GPC6: variants seen among roughly 807,000 people sequenced by gnomAD.
GPC6 encodes the protein glypican 6.
In GPC6, 14 loss-of-function variants were observed where a neutral mutation model predicts 55.2. That is an observed-to-expected ratio of 0.25 (90% CI 0.17 to 0.40). The LOEUF (loss-of-function observed/expected upper bound fraction) is 0.40, where lower values mean the gene tolerates loss of function less well. Among genes scored for constraint, GPC6 ranks in the 10% least tolerant of loss-of-function variants. GPC6 has a pLI of 1.00. For synonymous variants in GPC6, 278 were observed against 259.6 expected (o/e 1.07, Z -0.68); for missense variants, 641 against 708.5 (o/e 0.90, Z 1.08).
At chr13:94,061,683 C>G (rs980729055) in intron 4 of GPC6, among the ~76,000 whole-genome samples, 3 of 151,666 alleles carry the variant, frequency 2.0e-5, no homozygotes, top group Non-Finnish European at 4.4e-5. Context: ...TGAAATCTTT[C>G]AGATATGCCC....
At chr13:93,878,252 T>C (rs1186292495) in intron 3 of GPC6, among the ~76,000 whole-genome samples, 1 of 151,922 alleles carries the variant, frequency 6.6e-6, no homozygotes, top group African/African-American at 2.4e-5. Context: ...GTGGGGCATT[T>C]AGGAGGTAAT....
At chr13:93,461,083 G>A (rs1394385555) in intron 1 of GPC6, among the ~76,000 whole-genome samples, 2 of 152,108 alleles carry the variant, frequency 1.3e-5, no homozygotes, top group Non-Finnish European at 2.9e-5. Flanking sequence ...CCATATGTGT[G>A]TGTTTTGTTT....
At chr13:94,155,869 C>T (rs1227938103) in intron 4 of GPC6, among the ~76,000 whole-genome samples, 3 of 152,120 alleles carry the variant, frequency 2.0e-5, no homozygotes, top group Non-Finnish European at 4.4e-5. Context: ...GTTGCCTGCA[C>T]AGGAACAAGA....
At chr13:93,414,366 T>G (rs1216530456) in intron 1 of GPC6, among the ~76,000 whole-genome samples, 1 of 152,166 alleles carries the variant, frequency 6.6e-6, no homozygotes, top group Non-Finnish European at 1.5e-5. Flanking sequence ...CATATAGTGC[T>G]TTTGTAGCAT....
At chr13:93,928,916 G>A (rs1203060850) in intron 3 of GPC6, among the ~76,000 whole-genome samples, 4 of 22,050 alleles carry the variant, frequency 1.8e-4, no homozygotes, top group Non-Finnish European at 3.5e-4. Flanking sequence ...GTGTGTGTGT[G>A]TACATATAAA....
At chr13:93,587,423 A>C (rs1336253446) in intron 2 of GPC6, among the ~76,000 whole-genome samples, 1 of 152,078 alleles carries the variant, frequency 6.6e-6, no homozygotes, top group African/African-American at 2.4e-5. Context: ...TTATATCTTT[A>C]TTTAATTGAA....
intron 2 of GPC6, among the ~76,000 whole-genome samples, chr13:93,765,311 T>TATCTGGAAAGACAACTTTCCAGATAAGC (rs1368557718): frequency 2.9e-5 from 1 of 34,084 alleles, no homozygotes. Flanking sequence ...GACAACTTAT[T>TATCTGGAAAGACAACTTTCCAGATAAGC]TGGTTTAAGT....
intron 2 of GPC6, among the ~76,000 whole-genome samples, chr13:93,620,577 G>A (rs1256326941): frequency 6.6e-6 from 1 of 152,136 alleles, no homozygotes; most frequent in African/African-American, 2.4e-5. Flanking sequence ...TACCGAAGAT[G>A]TTTTCAATTA....
chr13:93,706,535 C>A (rs1181832205), intron 2 of GPC6, among the ~76,000 whole-genome samples: 1 of 151,860 alleles, frequency 6.6e-6, no homozygotes. Context: ...TCCTTTGCTT[C>A]AGTTAATCAC....
chr13:94,386,630 A>T (rs9589988), intron 7 of GPC6, among the ~76,000 whole-genome samples: 11,116 of 152,144 alleles, frequency 0.073, 1,313 homozygotes, highest in African/African-American at 0.25. Flanking sequence ...TAATTTTTTT[A>T]AAAAATCCAT....
At chr13:93,423,523 T>C (rs2813614) in intron 1 of GPC6, among the ~76,000 whole-genome samples, 103,327 of 152,066 alleles carry the variant, frequency 0.68, 35,768 homozygotes, top group East Asian at 0.97. Context: ...CAAAGGATAA[T>C]ATGAATTTCA....
intron 5 of GPC6, among the ~76,000 whole-genome samples, chr13:94,288,868 T>A (rs12861397): frequency 3.4e-5 from 1 of 29,568 alleles, no homozygotes; most frequent in African/African-American, 1.1e-4. Flanking sequence ...ATATATATAT[T>A]TGTTATATAT....
In GPC6 at chr13:93,954,330, A is replaced by T. The variant is rs371761835; in HGVS notation, c.712-73399A>T. On this transcript the variant is annotated intron_variant, in intron 3 of 8. Coordinates refer to ENST00000377047, the MANE Select transcript of GPC6 (RefSeq NM_005708.5). ...AGTGCCTTTATTTTTATTTATTTTT[A>T]TTTTTGACAAGGTCTCATCTGTTAT... Among the ~76,000 whole-genome samples the T allele has an allele frequency of 4.2e-3, 635 of 152,092 alleles. 6 individuals carry two copies. The highest frequency in any genetic ancestry group is 0.015 in the African/African-American group (616 of 41,514).
chr13:94,284,782 T>C (rs1426547380), intron 4 of GPC6, among the ~76,000 whole-genome samples: 1 of 152,104 alleles, frequency 6.6e-6, no homozygotes, highest in African/African-American at 2.4e-5. Flanking sequence ...CACTATTTAA[T>C]GATTTATCAA....
At chr13:93,246,014 C>A (rs1487949402) in intron 1 of GPC6, among the ~76,000 whole-genome samples, 1 of 152,088 alleles carries the variant, frequency 6.6e-6, no homozygotes, top group Non-Finnish European at 1.5e-5. Flanking sequence ...ATATGGTATG[C>A]CTTCTGTTGG....
chr13:93,284,231 TC>T (rs1195184666), intron 1 of GPC6, among the ~76,000 whole-genome samples: 1 of 152,020 alleles, frequency 6.6e-6, no homozygotes, highest in African/African-American at 2.4e-5. Flanking sequence ...CAGAAGAAAA[TC>T]CCTTAGGGCA....
chr13:93,703,941 A>C (rs1274169486), intron 2 of GPC6, among the ~76,000 whole-genome samples: 1 of 152,028 alleles, frequency 6.6e-6, no homozygotes, highest in Non-Finnish European at 1.5e-5. Context: ...CTGGCTTTGT[A>C]ATGATGATAG....
chr13:93,642,171 A>G (rs1160419683), intron 2 of GPC6, among the ~76,000 whole-genome samples: 1 of 151,994 alleles, frequency 6.6e-6, no homozygotes, highest in African/African-American at 2.4e-5. Flanking sequence ...AATCCCCAGT[A>G]TCTATTGTTT....
chr13:93,821,126 A>G (rs1887031387), intron 2 of GPC6, among the ~76,000 whole-genome samples: 1 of 152,280 alleles, frequency 6.6e-6, no homozygotes. Flanking sequence ...TTGGTAAAGG[A>G]CTAGATATTA....
Sources: allele counts gnomAD v4.1 joint callset (sites outside exome capture counted in the v4.1 genomes callset), GRCh38; gene constraint gnomAD v4.1.1; transcripts MANE v1.5; gene names NCBI Gene and HGNC (gene_info 2026-07-23, HGNC 2026-07-21).